The following UPF3A variants were observed in gnomAD, a reference collection of about 807,000 sequenced individuals.
UPF3A encodes the protein regulator of nonsense transcripts 3A.
UPF3A carries 42 observed loss-of-function variants against 53.5 expected under a neutral mutation model. The observed-to-expected ratio is 0.78, with a 90% CI of 0.61 to 1.01. UPF3A has a LOEUF of 1.01. UPF3A is among the 50% of genes least tolerant of loss of function. The pLI is 0.00. For missense variants in UPF3A, 575 were observed against 598.0 expected (o/e 0.96, Z 0.40); for synonymous variants, 237 against 225.3 (o/e 1.05, Z -0.47).
intron 8 of UPF3A, among the ~76,000 whole-genome samples, chr13:114,299,754 C>G (rs1225713692): frequency 6.6e-6 from 1 of 152,252 alleles, no homozygotes; most frequent in Non-Finnish European, 1.5e-5. Flanking sequence ...CCTGGGCTTA[C>G]CTTCCCCTCC....
rs1188978983 is a variant in UPF3A at position 114,305,311 on chromosome 13, G to A, written c.*394G>A. ...TCATTCGTTTGTAAGCAGAGGAGCT[G>A]TCAGTCACTCGTGCTTCTCGGTGGC... On this transcript the variant is annotated 3_prime_UTR_variant, in exon 10 of 10. Coordinates refer to ENST00000375299, the MANE Select transcript of UPF3A (RefSeq NM_023011.4). 1.2e-5 allele frequency: 3 copies of A among 255,460 alleles called. No individual in the cohort carries two copies. Among genetic ancestry groups the A allele is most frequent in the South Asian group, 8.3e-5 (2 of 24,182 alleles). 15.8% of individuals were successfully genotyped at this position (255,460 alleles called of 1,614,324 possible).
chr13:114,295,099 A>G (rs1374467332), intron 7 of UPF3A, among the ~76,000 whole-genome samples: 137 of 148,542 alleles, frequency 9.2e-4, no homozygotes, highest in Middle Eastern at 3.4e-3. Context: ...GCGACAGAGC[A>G]AGACTCCGTC....
At chr13:114,296,100 A>G (rs983013369) in intron 7 of UPF3A, among the ~76,000 whole-genome samples, 8 of 152,210 alleles carry the variant, frequency 5.3e-5, no homozygotes, top group African/African-American at 1.2e-4. Flanking sequence ...CAGGGCTTCC[A>G]GGGGCCAGGC....
rs1245740443 is a variant in UPF3A at position 114,302,033 on chromosome 13, T to C, written c.1302+8T>C. ...GAGCGACTGGCAAACAAGGTTTTTA[T>C]TAAACCCAAAAAGAAAAATGTGTCT... is the stretch of plus-strand genomic sequence containing the variant. On this transcript the variant is annotated splice_region_variant and intron_variant, in intron 9 of 9. Coordinates refer to ENST00000375299, the MANE Select transcript of UPF3A (RefSeq NM_023011.4). 6.6e-7 allele frequency: 1 copy of C among 1,508,450 alleles called. No homozygotes were observed. The allele number at this position is 1,508,450 out of a possible 1,614,324, so 93.4% of individuals were successfully genotyped here.
At chr13:114,281,986 C>G in intron 1 of UPF3A, 35 bp from the exon 2 acceptor site, 20 of 1,529,826 alleles carry the variant, frequency 1.3e-5, no homozygotes, top group Non-Finnish European at 1.8e-5. Context: ...TGTCCACGCT[C>G]CGCCCCGGTG....
chr13:114,296,113 A>G (rs1044528628), intron 7 of UPF3A, among the ~76,000 whole-genome samples: 1 of 152,222 alleles, frequency 6.6e-6, no homozygotes, highest in Non-Finnish European at 1.5e-5. Context: ...GGCCAGGCAC[A>G]GTGGCTCACG....
At chr13:114,293,447 G>A (rs753439130) in intron 7 of UPF3A, among the ~76,000 whole-genome samples, 4 of 152,036 alleles carry the variant, frequency 2.6e-5, no homozygotes, top group Admixed American at 6.6e-5. Flanking sequence ...TTGCCTTTCT[G>A]TGTGAAGGCT....
At chr13:114,299,239 G>A (rs1365809386) in intron 8 of UPF3A, among the ~76,000 whole-genome samples, 1 of 152,136 alleles carries the variant, frequency 6.6e-6, no homozygotes, top group African/African-American at 2.4e-5. Flanking sequence ...CTTTGCTTTT[G>A]CCTCCATGTC....
intron 5 of UPF3A, chr13:114,286,859 T>G (rs1223829514): frequency 1.9e-6 from 1 of 523,524 alleles, no homozygotes; most frequent in Non-Finnish European, 3.4e-6. Flanking sequence ...TTAAGATCAT[T>G]TTAAGTTATG....
chr13:114,291,417 C>T, intron 5 of UPF3A, 72 bp from the exon 6 acceptor site: 1 of 1,340,054 alleles, frequency 7.5e-7, no homozygotes, highest in East Asian at 2.5e-5. Context: ...TTAAAGATTA[C>T]ATTCAAAACA....
intron 9 of UPF3A, among the ~76,000 whole-genome samples, chr13:114,304,248 G>A (rs2086844948): frequency 6.6e-6 from 1 of 152,248 alleles, no homozygotes. Context: ...GCCACTCTAT[G>A]CTTCCCTGGC....
chr13:114,295,404 G>C (rs2479977), intron 7 of UPF3A, among the ~76,000 whole-genome samples: 14,879 of 69,526 alleles, frequency 0.21, 1,051 homozygotes, highest in East Asian at 0.46. Context: ...CGGCTCTGGC[G>C]TGCTCCCCAG....
At chr13:114,304,466 T>C (rs1445465863) in intron 9 of UPF3A, among the ~76,000 whole-genome samples, 1 of 152,242 alleles carries the variant, frequency 6.6e-6, no homozygotes, top group Non-Finnish European at 1.5e-5. Context: ...TTGGCAGATC[T>C]GAAACCATCT....
At chr13:114,284,234 C>T (rs113447851) in intron 3 of UPF3A, 2 of 199,294 alleles carry the variant, frequency 1.0e-5, no homozygotes, top group African/African-American at 2.4e-5. Flanking sequence ...TGGTGGCAGG[C>T]GCCTGTAGTC....
At position 114,291,646 on chromosome 13, in the gene UPF3A, GA is replaced by G; in HGVS notation, c.701del (p.Glu234GlyfsTer11). 1.9e-6 allele frequency: 3 copies of G among 1,603,976 alleles called. No homozygotes were observed. The highest frequency in any genetic ancestry group is 2.5e-6 in the Non-Finnish European group (3 of 1,177,750). ...RKLEKQRIREEKREERRRREL... is the reference protein window; with the variant it reads ...RKLEKQRIREXKREERRRREL... The stretch of plus-strand genomic sequence containing the variant: ...TCCATGTCTTTAGAGAATTCGAGAA[GA>G]GAAGCGAGAAGAACGGAGGAGGAGA... On this transcript the variant is annotated frameshift_variant, in exon 7 of 10. Transcript: ENST00000375299. LOFTEE classifies it high-confidence loss of function.
intron 7 of UPF3A, among the ~76,000 whole-genome samples, chr13:114,293,236 G>T (rs182561984): frequency 3.7e-4 from 55 of 148,398 alleles, no homozygotes; most frequent in Non-Finnish European, 6.2e-4. Flanking sequence ...ACACAAAAAT[G>T]AGCCGGACGT....
rs143806139 is a variant in UPF3A at position 114,298,864 on chromosome 13, G to T, written c.871G>T (p.Glu291Ter). The change falls in exon 8 of 10, where the codon GAG (glutamate) becomes TAG (stop). Residue 291 changes from glutamate (E) to a stop codon, truncating the protein, a stop_gained. Transcript: ENST00000375299. LOFTEE classifies it high-confidence loss of function. ...GCTTCTTAAGAAACCAGAAAAGGGA[G>T]AGGAACCAACCACAGAGAAACCAAA... ...IKLLKKPEKG[E>*]EPTTEKPKER... 4.5e-5 allele frequency: 71 copies of T among 1,582,912 alleles called. No homozygotes were observed. The highest frequency in any genetic ancestry group is 5.8e-5 in the Non-Finnish European group (68 of 1,168,206).
chr13:114,300,404 C>T (rs867343937), intron 8 of UPF3A, among the ~76,000 whole-genome samples: 11 of 152,158 alleles, frequency 7.2e-5, no homozygotes, highest in Non-Finnish European at 4.4e-5. Context: ...CAAAGTCTCG[C>T]CCTGTCGCCC....
intron 7 of UPF3A, among the ~76,000 whole-genome samples, chr13:114,298,327 C>G (rs530129047): frequency 6.6e-6 from 1 of 150,730 alleles, no homozygotes; most frequent in Admixed American, 6.6e-5. Context: ...GAGCCAAGAT[C>G]GTGCCATTGC....
Sources: allele counts gnomAD v4.1 joint callset (sites outside exome capture counted in the v4.1 genomes callset), GRCh38; gene constraint gnomAD v4.1.1; transcripts MANE v1.5; gene names NCBI Gene and HGNC (gene_info 2026-07-23, HGNC 2026-07-21).